POLR1D: variants seen among roughly 807,000 people sequenced by gnomAD.
The protein encoded by POLR1D is DNA-directed RNA polymerases I and III subunit RPAC2.
In POLR1D, 8 loss-of-function variants were observed where a neutral mutation model predicts 10.8. The observed-to-expected ratio is 0.74, with a 90% CI of 0.43 to 1.33. The LOEUF (loss-of-function observed/expected upper bound fraction) is 1.33. Ranked by LOEUF, POLR1D falls within the 40% of genes most tolerant of loss-of-function variation. The pLI, the probability that POLR1D is intolerant of heterozygous loss-of-function variation, is 0.01. For missense variants in POLR1D, 152 were observed against 161.7 expected, an observed-to-expected ratio of 0.94 and a Z score of 0.32; for synonymous variants, 54 against 57.2, an observed-to-expected ratio of 0.94 and a Z score of 0.25.
At chr13:27,621,798 G>A, upstream of POLR1D, 2 of 537,986 alleles carry the variant, frequency 3.7e-6, no homozygotes, top group Non-Finnish European at 6.5e-6. Context: ...GGGGCTGGGG[G>A]TGGAGCCTCA....
downstream of POLR1D, among the ~76,000 whole-genome samples, chr13:27,626,517 G>C (rs1224497639): frequency 6.6e-6 from 1 of 152,194 alleles, no homozygotes; most frequent in Admixed American, 6.5e-5. Flanking sequence ...ATATGTGAAA[G>C]GAATCTGCAT....
intron 1 of POLR1D, among the ~76,000 whole-genome samples, chr13:27,633,021 A>G (rs1014851395): frequency 6.6e-5 from 10 of 152,218 alleles, no homozygotes; most frequent in Admixed American, 2.0e-4. Context: ...GTGTGTCTTC[A>G]ACTCCATAGT....
intron 2 of POLR1D, among the ~76,000 whole-genome samples, chr13:27,664,136 G>C (rs1041289282): frequency 1.3e-5 from 2 of 152,178 alleles, no homozygotes; most frequent in African/African-American, 4.8e-5. Flanking sequence ...AACTCGGCTT[G>C]CCTCTCATCA....
chr13:27,640,774 C>T (rs899852518), intron 1 of POLR1D, among the ~76,000 whole-genome samples: 2 of 152,064 alleles, frequency 1.3e-5, no homozygotes, highest in African/African-American at 4.8e-5. Context: ...GTTTATAGAA[C>T]ATATAACCTT....
intron 2 of POLR1D, among the ~76,000 whole-genome samples, chr13:27,656,221 G>A (rs1956307390): frequency 6.6e-6 from 1 of 152,150 alleles, no homozygotes; most frequent in African/African-American, 2.4e-5. Context: ...AAGTTAACTT[G>A]TGAAAAGACA....
At chr13:27,657,145 G>A (rs1593293118) in intron 2 of POLR1D, among the ~76,000 whole-genome samples, 1 of 152,264 alleles carries the variant, frequency 6.6e-6, no homozygotes, top group East Asian at 1.9e-4. Flanking sequence ...CAGGGGCTCT[G>A]TTACAGTAAT....
At chr13:27,622,822 G>A in intron 1 of POLR1D, 53 bp from the exon 2 acceptor site, 1 of 1,176,588 alleles carries the variant, frequency 8.5e-7, no homozygotes, top group Non-Finnish European at 1.3e-6. Context: ...GAAAAAGCTA[G>A]TTACAAAACA....
At chr13:27,634,356 A>G (rs1033720385) in intron 1 of POLR1D, among the ~76,000 whole-genome samples, 6 of 152,166 alleles carry the variant, frequency 3.9e-5, no homozygotes, top group African/African-American at 1.4e-4. Flanking sequence ...TTCCCTTCCT[A>G]TTTCCTTGTT....
intron 2 of POLR1D, chr13:27,650,610 T>C (rs547262178): frequency 1.3e-5 from 2 of 152,420 alleles, no homozygotes; most frequent in East Asian, 3.9e-4. Context: ...CAAACCAAAC[T>C]CTTGACTACA....
chr13:27,622,135 A>C, intron 1 of POLR1D, 126 bp downstream of exon 1: 1 of 786,656 alleles, frequency 1.3e-6, no homozygotes, highest in Non-Finnish European at 2.2e-6. Context: ...ATGGAGAGAG[A>C]AGTGGGGAGG....
chr13:27,665,421 A>G, intron 2 of POLR1D: 1 of 493,266 alleles, frequency 2.0e-6, no homozygotes, highest in Non-Finnish European at 3.7e-6. Context: ...ACCTGTACAT[A>G]TGAACTTCAG....
chr13:27,644,980 A>G (rs1275439203), intron 1 of POLR1D, among the ~76,000 whole-genome samples: 2 of 152,228 alleles, frequency 1.3e-5, no homozygotes, highest in African/African-American at 4.8e-5. Flanking sequence ...CAGAGGCTAC[A>G]GTAATGGGGA....
At chr13:27,625,771 G>C (rs1956002581), downstream of POLR1D, among the ~76,000 whole-genome samples, 1 of 152,144 alleles carries the variant, frequency 6.6e-6, no homozygotes, top group African/African-American at 2.4e-5. Flanking sequence ...GTATTTGTAA[G>C]TTTGGGTCAA....
At chr13:27,642,908 G>A (rs1956188498) in intron 1 of POLR1D, among the ~76,000 whole-genome samples, 1 of 152,122 alleles carries the variant, frequency 6.6e-6, no homozygotes, top group Non-Finnish European at 1.5e-5. Flanking sequence ...TTTAGTTCAT[G>A]TTGGGCATGA....
intron 2 of POLR1D, among the ~76,000 whole-genome samples, chr13:27,653,282 C>CT (rs568502424): frequency 1.3e-5 from 2 of 151,966 alleles, no homozygotes; most frequent in African/African-American, 4.8e-5. Flanking sequence ...GAAATTTCAT[C>CT]TTTTTTTTCA....
chr13:27,641,196 A>G (rs1956170414), intron 1 of POLR1D, among the ~76,000 whole-genome samples: 1 of 152,212 alleles, frequency 6.6e-6, no homozygotes, highest in Non-Finnish European at 1.5e-5. Context: ...TTCACATCTC[A>G]TGTGAAATAT....
chr13:27,665,432 T>C (rs1254868408), intron 2 of POLR1D: 8 of 510,416 alleles, frequency 1.6e-5, no homozygotes, highest in African/African-American at 1.5e-4. Flanking sequence ...TGAACTTCAG[T>C]AGGAAATTTA....
chr13:27,632,907 C>T (rs1424117525), intron 1 of POLR1D, among the ~76,000 whole-genome samples: 2 of 152,130 alleles, frequency 1.3e-5, no homozygotes, highest in Admixed American at 6.5e-5. Context: ...AGCAGATTGA[C>T]TCTGTATTGT....
intron 1 of POLR1D, among the ~76,000 whole-genome samples, chr13:27,632,405 A>G (rs79210301): frequency 0.044 from 6,672 of 152,320 alleles, 205 homozygotes; most frequent in Non-Finnish European, 0.066. Context: ...TCGTAAATCT[A>G]TGCCATTTAC....
Sources: gnomAD v4.1 joint callset for allele counts (sites outside exome capture counted in the v4.1 genomes callset) on GRCh38, gnomAD v4.1.1 for gene constraint, MANE v1.5 for transcripts, NCBI Gene and HGNC (gene_info 2026-07-23, HGNC 2026-07-21) for gene names.